Variants in BTBD10 observed in about 807,000 individuals in gnomAD.
The protein encoded by BTBD10 is BTB domain containing 10.
In BTBD10, 21 loss-of-function variants were observed where a neutral mutation model predicts 53.2. The observed-to-expected ratio is 0.39, with a 90% CI of 0.28 to 0.57. BTBD10 has a LOEUF of 0.57. Ranked by LOEUF, BTBD10 falls within the 20% of genes least tolerant of loss-of-function variation. The pLI is 0.53. For synonymous variants in BTBD10, 149 were observed against 192.7 expected, an observed-to-expected ratio of 0.77 and a Z score of 1.88; for missense variants, 360 against 594.7, an observed-to-expected ratio of 0.61 and a Z score of 4.10.
chr11:13,406,104 G>A (rs1326592427), intron 6 of BTBD10, among the ~76,000 whole-genome samples: 3 of 151,962 alleles, frequency 2.0e-5, no homozygotes, highest in Non-Finnish European at 4.4e-5. Flanking sequence ...TATGTCTTAA[G>A]GTATATCTTA....
At chr11:13,405,443 T>C (rs1007580632) in intron 7 of BTBD10, 40 of 547,774 alleles carry the variant, frequency 7.3e-5, no homozygotes, top group Non-Finnish European at 1.2e-4. Context: ...TAATAAATAC[T>C]TTGGGCATTG....
intron 2 of BTBD10, among the ~76,000 whole-genome samples, chr11:13,431,004 G>GATAT (rs10632016): frequency 0.016 from 730 of 46,514 alleles, 8 homozygotes; most frequent in African/African-American, 0.032. Context: ...CACACACACA[G>GATAT]ATATATATAT....
intron 6 of BTBD10, 106 bp from the exon 7 acceptor site, chr11:13,405,962 C>T (rs896560355): frequency 1.3e-5 from 13 of 1,011,476 alleles, no homozygotes; most frequent in Non-Finnish European, 1.9e-5. Context: ...CTACATAGGC[C>T]CCCTCATTTT....
chr11:13,410,616 A>T (rs1949921974), intron 6 of BTBD10, among the ~76,000 whole-genome samples: 1 of 152,186 alleles, frequency 6.6e-6, no homozygotes. Context: ...TGACAGGACA[A>T]AAAAAAGATA....
chr11:13,446,265 G>A (rs1482069087), intron 1 of BTBD10, among the ~76,000 whole-genome samples: 1 of 152,080 alleles, frequency 6.6e-6, no homozygotes, highest in Admixed American at 6.6e-5. Flanking sequence ...AGGTGAGGTA[G>A]AGTTGTACAT....
At chr11:13,408,740 C>A (rs1264144059) in intron 6 of BTBD10, among the ~76,000 whole-genome samples, 2 of 152,140 alleles carry the variant, frequency 1.3e-5, no homozygotes, top group Non-Finnish European at 2.9e-5. Flanking sequence ...TCTGAACATC[C>A]CATATACCCA....
At chr11:13,429,469 AC>A (rs1950407918) in intron 2 of BTBD10, among the ~76,000 whole-genome samples, 2 of 152,290 alleles carry the variant, frequency 1.3e-5, no homozygotes, top group African/African-American at 4.8e-5. Flanking sequence ...CAGAATGAAG[AC>A]TCCAGAAAAG....
At position 13,421,782 on chromosome 11, in the gene BTBD10, C is replaced by G. The variant is rs778664452; in HGVS notation, c.158G>C (p.Gly53Ala). 1 of 1,614,068 alleles carries G rather than the reference C, an allele frequency of 6.2e-7. No individual in the cohort carries two copies. Among genetic ancestry groups the G allele is most frequent in the Admixed American group, 1.7e-5 (1 of 60,024 alleles). ...TGATCTCTCATGTCCCCCACTAGCA[C>G]CATGTAGACTCATTTTGGTGTGGTC... ...GVDHTKMSLHGASGGHERSRD... is the reference protein window; with the variant it reads ...GVDHTKMSLHAASGGHERSRD... Residue 53 changes from glycine to alanine, a missense_variant, in exon 3 of 9, where the codon GGT becomes GCT. By Grantham distance (60) the Gly-to-Ala change is moderately conservative. Coordinates refer to ENST00000278174, the MANE Select transcript of BTBD10 (RefSeq NM_032320.7).
chr11:13,429,384 C>T (rs930699523), intron 2 of BTBD10, among the ~76,000 whole-genome samples: 3 of 152,010 alleles, frequency 2.0e-5, no homozygotes, highest in African/African-American at 7.3e-5. Flanking sequence ...GATCTGATTT[C>T]AAGACATATT....
At chr11:13,418,551 G>A (rs1350716895) in intron 4 of BTBD10, among the ~76,000 whole-genome samples, 1 of 151,806 alleles carries the variant, frequency 6.6e-6, no homozygotes, top group South Asian at 2.1e-4. Context: ...ATACAAAAAA[G>A]CCTATAGTTC....
intron 1 of BTBD10, among the ~76,000 whole-genome samples, chr11:13,455,956 A>C (rs1950957783): frequency 6.6e-6 from 1 of 152,160 alleles, no homozygotes; most frequent in Admixed American, 6.5e-5. Context: ...AATATGATTC[A>C]AGTTCTAGAC....
At chr11:13,405,496 G>T in intron 7 of BTBD10, 163 bp downstream of exon 7, 2 of 688,036 alleles carry the variant, frequency 2.9e-6, no homozygotes, top group Non-Finnish European at 4.8e-6. Flanking sequence ...CTCTGCCACT[G>T]TAGCATGAAA....
chr11:13,391,677 TTAAAAA>T (rs1158760521), intron 8 of BTBD10, among the ~76,000 whole-genome samples: 3 of 152,174 alleles, frequency 2.0e-5, no homozygotes, highest in African/African-American at 4.8e-5. Flanking sequence ...ATTTTTTCCT[TTAAAAA>T]TAAAGTAAAA....
chr11:13,388,136 GTAAA>G lies in BTBD10; in HGVS notation c.*691_*694del, dbSNP rs369843391. 34 of 152,682 alleles carry G rather than the reference GTAAA, an allele frequency of 2.2e-4. No homozygotes were observed. The highest frequency in any genetic ancestry group is 1.0e-3 in the South Asian group (5 of 4,824). 9.5% of individuals were successfully genotyped at this position (152,682 alleles called of 1,614,324 possible). A position where few individuals can be genotyped will look rare whatever the true frequency, so the allele number is the denominator to read the frequency against. On this transcript the variant is annotated 3_prime_UTR_variant, in exon 9 of 9. Transcript: ENST00000278174. ...AACTCTTAAGAAAAAAAAAGCATTA[GTAAA>G]TAAATATCTGTGAACAGATTAAGGG...
At chr11:13,411,331 T>C (rs1215151001) in intron 6 of BTBD10, among the ~76,000 whole-genome samples, 1 of 152,328 alleles carries the variant, frequency 6.6e-6, no homozygotes, top group East Asian at 1.9e-4. Context: ...AGCCCAGATA[T>C]TTTAGTGCAA....
chr11:13,453,331 T>G (rs1482858031), intron 1 of BTBD10, among the ~76,000 whole-genome samples: 1 of 151,788 alleles, frequency 6.6e-6, no homozygotes, highest in African/African-American at 2.4e-5. Context: ...ACACACACAC[T>G]CATCCATGCT....
rs192195992 is a variant in BTBD10 at position 13,421,613 on chromosome 11, T to C, written c.298+29A>G. ...AAGGTAAATGCATGTTTTTAAGAAC[T>C]GTTAGGAAGGTTAGTTGATTTTACA... On this transcript the variant is annotated intron_variant, in intron 3 of 8. Coordinates refer to ENST00000278174, the MANE Select transcript of BTBD10 (RefSeq NM_032320.7). 120 of 1,578,332 alleles carry C rather than the reference T, an allele frequency of 7.6e-5. 2 individuals carry two copies. In the East Asian group the frequency reaches 2.7e-3, roughly 35 times the overall value.
chr11:13,418,558 G>T (rs924404492), intron 4 of BTBD10, among the ~76,000 whole-genome samples: 3 of 151,846 alleles, frequency 2.0e-5, no homozygotes, highest in African/African-American at 7.3e-5. Flanking sequence ...AAAGCCTATA[G>T]TTCAAAGATT....
Position 13,388,671 on chromosome 11 carries a change from C to A in BTBD10, c.*160G>T. On this transcript the variant is annotated 3_prime_UTR_variant, in exon 9 of 9. Transcript: ENST00000278174. ...GAGTTGTACTCATTTAAAAAAAAAC[C>A]ATTCAGCTACCTTTGGTCTTTAAAA... 1.4e-6 allele frequency: 1 copy of A among 710,592 alleles called. No individual in the cohort carries two copies. 44.0% of individuals were successfully genotyped at this position (710,592 alleles called of 1,614,324 possible). A position where few individuals can be genotyped will look rare whatever the true frequency, so the allele number is the denominator to read the frequency against.
Sources: allele counts gnomAD v4.1 joint callset (sites outside exome capture counted in the v4.1 genomes callset), GRCh38; gene constraint gnomAD v4.1.1; transcripts MANE v1.5; gene names NCBI Gene and HGNC (gene_info 2026-07-23, HGNC 2026-07-21).